GALNT13: variants seen among roughly 807,000 people sequenced by gnomAD.
GALNT13 encodes the protein UDP-GalNAc:polypeptide N-acetylgalactosaminyltransferase 13.
In GALNT13, 28 loss-of-function variants were observed where a neutral mutation model predicts 64.2. The observed-to-expected ratio is 0.44, with a 90% CI of 0.32 to 0.60. The LOEUF (loss-of-function observed/expected upper bound fraction) is 0.60. Ranked by LOEUF, GALNT13 falls within the 20% of genes least tolerant of loss-of-function variation. The pLI, the probability that GALNT13 is intolerant of heterozygous loss-of-function variation, is 0.05. For missense variants in GALNT13, 577 were observed against 669.8 expected, an observed-to-expected ratio of 0.86 and a Z score of 1.53; for synonymous variants, 214 against 224.6, an observed-to-expected ratio of 0.95 and a Z score of 0.42.
chr2:153,725,825 A>G, the GALNT13 span, among the ~76,000 whole-genome samples: 2 of 119,686 alleles, frequency 1.7e-5, no homozygotes, highest in African/African-American at 9.2e-5. Context: ...CTGAATGTTT[A>G]AATGATCTTT....
At chr2:153,122,244 T>C in the GALNT13 span, among the ~76,000 whole-genome samples, 1 of 151,784 alleles carries the variant, frequency 6.6e-6, no homozygotes, top group Non-Finnish European at 1.5e-5. Flanking sequence ...ATGTCTGCTA[T>C]ATGGTGTTAT....
At chr2:153,375,762 C>T in the GALNT13 span, among the ~76,000 whole-genome samples, 9 of 152,156 alleles carry the variant, frequency 5.9e-5, no homozygotes, top group African/African-American at 2.2e-4. Context: ...CAGCTGAGTC[C>T]CCAGGTTCAA....
chr2:154,245,084 T>TG (rs1311530624), intron 6 of GALNT13, among the ~76,000 whole-genome samples: 2 of 149,104 alleles, frequency 1.3e-5, no homozygotes, highest in African/African-American at 4.9e-5. Flanking sequence ...CCAGCCTGGG[T>TG]GACAGGGCAA....
At chr2:153,737,137 T>A in the GALNT13 span, among the ~76,000 whole-genome samples, 1 of 152,178 alleles carries the variant, frequency 6.6e-6, no homozygotes, top group Non-Finnish European at 1.5e-5. Flanking sequence ...CCTGGTGGCT[T>A]ATGAACCTAA....
At chr2:153,341,971 C>A in the GALNT13 span, among the ~76,000 whole-genome samples, 1 of 152,134 alleles carries the variant, frequency 6.6e-6, no homozygotes, top group Admixed American at 6.6e-5. Flanking sequence ...CCACCAGCAG[C>A]CAGCAGCAGC....
intron 3 of GALNT13, among the ~76,000 whole-genome samples, chr2:154,029,920 A>G (rs1467887461): frequency 1.3e-5 from 2 of 152,158 alleles, no homozygotes; most frequent in Non-Finnish European, 2.9e-5. Context: ...TGAAGAATGC[A>G]TTTGATAGGC....
At chr2:153,346,149 T>G in the GALNT13 span, among the ~76,000 whole-genome samples, 1 of 152,056 alleles carries the variant, frequency 6.6e-6, no homozygotes, top group African/African-American at 2.4e-5. Context: ...GGTCTTGAAC[T>G]CCGAAGCTCC....
the GALNT13 span, among the ~76,000 whole-genome samples, chr2:153,280,843 T>G: frequency 6.6e-6 from 1 of 152,294 alleles, no homozygotes; most frequent in South Asian, 2.1e-4. Flanking sequence ...ATTTGGTAGT[T>G]GATGGATGGA....
the GALNT13 span, among the ~76,000 whole-genome samples, chr2:153,550,117 G>A: frequency 6.6e-6 from 1 of 152,128 alleles, no homozygotes; most frequent in Admixed American, 6.5e-5. Flanking sequence ...CCATTTAAGA[G>A]CCTGGCTTCA....
intron 3 of GALNT13, among the ~76,000 whole-genome samples, chr2:153,961,727 T>C (rs1354929227): frequency 6.6e-6 from 1 of 152,206 alleles, no homozygotes; most frequent in Non-Finnish European, 1.5e-5. Flanking sequence ...GATCAAATTT[T>C]CAATTCCACA....
chr2:153,074,202 A>C, the GALNT13 span, among the ~76,000 whole-genome samples: 1 of 152,178 alleles, frequency 6.6e-6, no homozygotes, highest in South Asian at 2.1e-4. Flanking sequence ...ATTTGCTAGG[A>C]TACTTCTGTA....
chr2:154,146,329 C>T (rs191890326), intron 4 of GALNT13, among the ~76,000 whole-genome samples: 9 of 151,830 alleles, frequency 5.9e-5, no homozygotes, highest in Non-Finnish European at 1.0e-4. Flanking sequence ...CATTTAAGTA[C>T]GTTGTATGCA....
rs78343744 is a variant in GALNT13 at position 154,298,138 on chromosome 2, C to T, written c.976-3271C>T. Among the ~76,000 whole-genome samples the T allele has an allele frequency of 6.3e-3, 954 of 151,610 alleles. 7 individuals are homozygous for T. Among genetic ancestry groups the T allele is most frequent in the Non-Finnish European group, 0.01 (700 of 67,886 alleles). On this transcript the variant is annotated intron_variant, in intron 8 of 12. Transcript: ENST00000392825. ...ATGTATAAAGAGAGATGAAGGCCAACATTTAAATATAAATTTAAAGTAAAA... is the reference window on the plus strand; with the variant it reads ...ATGTATAAAGAGAGATGAAGGCCAATATTTAAATATAAATTTAAAGTAAAA...
chr2:153,212,882 G>A, the GALNT13 span, among the ~76,000 whole-genome samples: 1 of 152,316 alleles, frequency 6.6e-6, no homozygotes, highest in Middle Eastern at 3.4e-3. Flanking sequence ...GGACTACTCA[G>A]TGGGTTATTT....
At chr2:153,293,996 GT>G in the GALNT13 span, among the ~76,000 whole-genome samples, 5 of 151,634 alleles carry the variant, frequency 3.3e-5, no homozygotes, top group Non-Finnish European at 7.4e-5. Context: ...TTTGTGGGTT[GT>G]TTTTTTTAGA....
At chr2:153,286,296 C>G in the GALNT13 span, among the ~76,000 whole-genome samples, 1 of 152,070 alleles carries the variant, frequency 6.6e-6, no homozygotes, top group African/African-American at 2.4e-5. Flanking sequence ...TTTGTTTCTC[C>G]ATTATCTTTA....
chr2:154,269,969 T>G (rs1691265730), intron 8 of GALNT13, among the ~76,000 whole-genome samples: 1 of 141,178 alleles, frequency 7.1e-6, no homozygotes, highest in Non-Finnish European at 1.5e-5. Flanking sequence ...TAATATTTCA[T>G]TATGGTTCCT....
At chr2:153,499,725 G>C in the GALNT13 span, among the ~76,000 whole-genome samples, 2 of 152,240 alleles carry the variant, frequency 1.3e-5, no homozygotes, top group Non-Finnish European at 2.9e-5. Flanking sequence ...TGCATATCCA[G>C]CTGGGTAGTG....
At chr2:154,107,480 C>T (rs1181809574) in intron 3 of GALNT13, among the ~76,000 whole-genome samples, 2 of 150,562 alleles carry the variant, frequency 1.3e-5, no homozygotes, top group Non-Finnish European at 2.9e-5. Context: ...GTCCCAGCTA[C>T]TTGGGAGGCT....
Sources: allele counts gnomAD v4.1 joint callset (sites outside exome capture counted in the v4.1 genomes callset), GRCh38; gene constraint gnomAD v4.1.1; transcripts MANE v1.5; gene names NCBI Gene and HGNC (gene_info 2026-07-23, HGNC 2026-07-21).